DNAJC1: variants seen among roughly 807,000 people sequenced by gnomAD.
The protein encoded by DNAJC1 is DnaJ heat shock protein family (Hsp40) member C1.
A neutral mutation model predicts 76.6 loss-of-function variants in DNAJC1; 58 were observed. The ratio of observed to expected loss-of-function variants is 0.76; its 90% CI spans 0.61 to 0.94. The LOEUF is 0.94. DNAJC1 is among the 40% of genes least tolerant of loss of function. The pLI is 0.00. For missense variants in DNAJC1, 689 were observed against 677.3 expected, an observed-to-expected ratio of 1.02 and a Z score of -0.19; for synonymous variants, 258 against 267.9, an observed-to-expected ratio of 0.96 and a Z score of 0.36.
At chr10:21,936,610 CA>C (rs1463255043) in intron 1 of DNAJC1, among the ~76,000 whole-genome samples, 3 of 152,080 alleles carry the variant, frequency 2.0e-5, no homozygotes, top group African/African-American at 7.2e-5. Flanking sequence ...ATAGGAGCAA[CA>C]TTTTTTATTT....
At chr10:21,911,023 G>T (rs1479106616) in intron 6 of DNAJC1, among the ~76,000 whole-genome samples, 1 of 138,528 alleles carries the variant, frequency 7.2e-6, no homozygotes, top group Non-Finnish European at 1.5e-5. Flanking sequence ...AAGAGAAAAA[G>T]AGAAAGAAAG....
intron 3 of DNAJC1, among the ~76,000 whole-genome samples, chr10:21,925,616 G>A (rs1837115530): frequency 6.6e-6 from 1 of 152,084 alleles, no homozygotes; most frequent in Non-Finnish European, 1.5e-5. Flanking sequence ...AGAAAAGAAT[G>A]AACTACTGGT....
intron 5 of DNAJC1, 34 bp downstream of exon 5, chr10:21,919,798 C>T: frequency 1.4e-6 from 2 of 1,452,594 alleles, no homozygotes; most frequent in African/African-American, 1.4e-5. Flanking sequence ...TTTAAAACAG[C>T]TTCAAATTAT....
intron 6 of DNAJC1, among the ~76,000 whole-genome samples, chr10:21,908,872 TA>T (rs1404218579): frequency 9.2e-5 from 14 of 151,960 alleles, no homozygotes; most frequent in African/African-American, 3.1e-4. Context: ...ACTGTATTAG[TA>T]CTTAAAATTT....
chr10:21,949,368 G>A (rs1175746414), intron 1 of DNAJC1, among the ~76,000 whole-genome samples: 2 of 147,530 alleles, frequency 1.4e-5, no homozygotes, highest in Admixed American at 6.8e-5. Context: ...GCTTCAATAA[G>A]TGATTGCTCC....
At chr10:21,759,717 G>T in intron 10 of DNAJC1, 99 bp from the exon 11 acceptor site, 1 of 1,041,334 alleles carries the variant, frequency 9.6e-7, no homozygotes, top group Non-Finnish European at 1.4e-6. Context: ...AGCGCACTAG[G>T]CATTTTGCAT....
At chr10:21,770,565 T>G (rs1390978115) in intron 9 of DNAJC1, among the ~76,000 whole-genome samples, 1 of 151,904 alleles carries the variant, frequency 6.6e-6, no homozygotes, top group Admixed American at 6.6e-5. Context: ...GCCCGGCTAA[T>G]TTTTTGTATT....
At chr10:21,928,124 T>TG (rs995933309) in intron 3 of DNAJC1, among the ~76,000 whole-genome samples, 1 of 152,032 alleles carries the variant, frequency 6.6e-6, no homozygotes, top group East Asian at 1.9e-4. Flanking sequence ...ATTTAAGGAA[T>TG]GGGGGGGAAA....
chr10:21,886,412 T>C (rs891837163), intron 7 of DNAJC1, among the ~76,000 whole-genome samples: 4 of 152,050 alleles, frequency 2.6e-5, no homozygotes, highest in Admixed American at 2.6e-4. Flanking sequence ...TACAAACAGC[T>C]GGTATCATTC....
At chr10:21,882,462 A>C (rs1487263763) in intron 7 of DNAJC1, 23 bp from the exon 8 acceptor site, 2 of 1,397,470 alleles carry the variant, frequency 1.4e-6, no homozygotes, top group South Asian at 2.9e-5. Flanking sequence ...TAAAAGAACC[A>C]ATTATTGAGA....
intron 7 of DNAJC1, among the ~76,000 whole-genome samples, chr10:21,886,801 A>ATATT (rs1431308621): frequency 1.3e-5 from 2 of 151,976 alleles, no homozygotes; most frequent in Non-Finnish European, 2.9e-5. Flanking sequence ...AACTCTCAAT[A>ATATT]AACTAGGTAT....
At chr10:21,985,746 C>T (rs181171767) in intron 1 of DNAJC1, among the ~76,000 whole-genome samples, 2 of 152,280 alleles carry the variant, frequency 1.3e-5, no homozygotes, top group East Asian at 3.9e-4. Flanking sequence ...GGATACACCA[C>T]ATTTTGTTCA....
intron 7 of DNAJC1, among the ~76,000 whole-genome samples, chr10:21,886,162 C>T (rs972889587): frequency 2.6e-5 from 4 of 152,026 alleles, no homozygotes; most frequent in African/African-American, 9.7e-5. Flanking sequence ...ACCACTGACC[C>T]CACAGAAGTA....
intron 9 of DNAJC1, among the ~76,000 whole-genome samples, chr10:21,802,881 C>T (rs1834828831): frequency 6.6e-6 from 1 of 152,106 alleles, no homozygotes; most frequent in African/African-American, 2.4e-5. Flanking sequence ...GTTATTTTTA[C>T]AATTTGAGTG....
intron 9 of DNAJC1, among the ~76,000 whole-genome samples, chr10:21,784,240 G>T (rs1011797629): frequency 2.0e-5 from 3 of 152,156 alleles, no homozygotes; most frequent in Non-Finnish European, 4.4e-5. Flanking sequence ...AGTGGGCGAA[G>T]GATATGAACA....
chr10:21,767,292 T>C (rs1473072314), intron 9 of DNAJC1, among the ~76,000 whole-genome samples: 1 of 152,026 alleles, frequency 6.6e-6, no homozygotes, highest in East Asian at 1.9e-4. Context: ...TTTGGTCTGG[T>C]GGTAATTTTT....
chr10:21,765,937 C>T (rs1834295352), intron 10 of DNAJC1, among the ~76,000 whole-genome samples: 1 of 152,192 alleles, frequency 6.6e-6, no homozygotes, highest in African/African-American at 2.4e-5. Context: ...GTGGACAGTG[C>T]AGGGAAACAG....
intron 8 of DNAJC1, among the ~76,000 whole-genome samples, chr10:21,810,332 C>A (rs752097835): frequency 2.0e-5 from 3 of 152,156 alleles, no homozygotes; most frequent in East Asian, 3.8e-4. Context: ...AATTGGCAAA[C>A]CTTTGTGCCC....
rs367725972 is a variant in DNAJC1 at position 21,893,951 on chromosome 10, A to G, written c.820+10571T>C. Among the ~76,000 whole-genome samples the G allele has an allele frequency of 2.4e-4, 36 of 152,274 alleles. No individual in the cohort carries two copies. In the South Asian group the frequency reaches 7.5e-3, roughly 32 times the overall value. On this transcript the variant is annotated intron_variant, in intron 7 of 11. Transcript: ENST00000376980. ...AGGAAACAGAAGACAAAAGTTACCT[A>G]TATTAAAAAGGAGAAATCACTACAG... is the stretch of plus-strand genomic sequence containing the variant.
Sources: gnomAD v4.1 joint callset for allele counts (sites outside exome capture counted in the v4.1 genomes callset) on GRCh38, gnomAD v4.1.1 for gene constraint, MANE v1.5 for transcripts, NCBI Gene and HGNC (gene_info 2026-07-23, HGNC 2026-07-21) for gene names.